Variants in ANKFN1 observed in about 807,000 individuals in gnomAD.
ANKFN1 encodes the protein ankyrin repeat and fibronectin type-III domain-containing protein 1.
ANKFN1 carries 74 observed loss-of-function variants against 108.7 expected under a neutral mutation model. That is an observed-to-expected ratio of 0.68 (90% CI 0.56 to 0.83). ANKFN1 has a LOEUF of 0.83. Among genes scored for constraint, ANKFN1 ranks in the 40% least tolerant of loss-of-function variants. ANKFN1 has a pLI of 0.00. For synonymous variants in ANKFN1, 547 were observed against 516.2 expected (o/e 1.06, Z -0.81); for missense variants, 1,505 against 1,382.3 (o/e 1.09, Z -1.41).
chr17:56,446,329 T>C (rs1317626715), intron 10 of ANKFN1, among the ~76,000 whole-genome samples: 3 of 152,154 alleles, frequency 2.0e-5, no homozygotes, highest in Non-Finnish European at 4.4e-5. Flanking sequence ...GCTTATCTTA[T>C]CATGAGCACT....
chr17:56,072,264 A>G (rs943128970), intron 4 of ANKFN1, among the ~76,000 whole-genome samples: 7 of 152,042 alleles, frequency 4.6e-5, no homozygotes, highest in Non-Finnish European at 1.0e-4. Context: ...TAGTTTACTG[A>G]TTAATTTTAC....
intron 4 of ANKFN1, among the ~76,000 whole-genome samples, chr17:56,128,528 C>T (rs1907077185): frequency 6.6e-6 from 1 of 152,128 alleles, no homozygotes; most frequent in African/African-American, 2.4e-5. Context: ...TGGTTTTTAG[C>T]CCTGCAAGGC....
intron 4 of ANKFN1, among the ~76,000 whole-genome samples, chr17:56,051,929 C>G (rs571172044): frequency 0.055 from 8,123 of 148,680 alleles, 743 homozygotes; most frequent in African/African-American, 0.19. Flanking sequence ...AGGATACAAA[C>G]AAATGGAAGA....
chr17:56,240,200 A>C (rs917162869), intron 3 of ANKFN1, among the ~76,000 whole-genome samples: 23 of 152,144 alleles, frequency 1.5e-4, no homozygotes, highest in African/African-American at 5.5e-4. Flanking sequence ...CCCACAAAAA[A>C]ATCACAATCC....
At chr17:56,109,988 C>A (rs1905867530) in intron 4 of ANKFN1, among the ~76,000 whole-genome samples, 1 of 152,206 alleles carries the variant, frequency 6.6e-6, no homozygotes, top group African/African-American at 2.4e-5. Flanking sequence ...TTGCACCTCA[C>A]TTGTCAGAGC....
chr17:56,131,080 C>T (rs1386107541), intron 4 of ANKFN1, among the ~76,000 whole-genome samples: 3 of 152,062 alleles, frequency 2.0e-5, no homozygotes, highest in Admixed American at 1.3e-4. Context: ...AAGACTAAAC[C>T]AGTATGATAC....
intron 4 of ANKFN1, among the ~76,000 whole-genome samples, chr17:56,123,684 A>C (rs935040270): frequency 2.0e-5 from 3 of 152,140 alleles, no homozygotes; most frequent in Non-Finnish European, 4.4e-5. Context: ...AGAAGTTAGG[A>C]GTAATTAGGT....
At position 56,345,603 on chromosome 17, in the gene ANKFN1, T is replaced by A. The variant is rs2046077567; in HGVS notation, c.189-5163T>A. On this transcript the variant is annotated intron_variant, in intron 4 of 20. Coordinates refer to ENST00000682825, the MANE Select transcript of ANKFN1 (RefSeq NM_001370326.1). ...TGTCATCCTAAATGGCATGAGATGG[T>A]ATGTCATTGTGGTTTTGATTTGCAT... 4.6e-5 allele frequency among the ~76,000 whole-genome samples: 7 copies of A among 152,208 alleles called. 1 individual carries two copies. Among genetic ancestry groups the A allele is most frequent in the Admixed American group, 4.6e-4 (7 of 15,266 alleles).
chr17:56,343,566 T>C (rs1459296965), intron 4 of ANKFN1, among the ~76,000 whole-genome samples: 1 of 151,922 alleles, frequency 6.6e-6, no homozygotes, highest in African/African-American at 2.4e-5. Context: ...TTGATGTATC[T>C]AGATGTGGCT....
At chr17:56,464,981 C>G (rs1177214574) in intron 14 of ANKFN1, among the ~76,000 whole-genome samples, 1 of 152,124 alleles carries the variant, frequency 6.6e-6, no homozygotes, top group Non-Finnish European at 1.5e-5. Flanking sequence ...GTTAAATATT[C>G]GGGGATTTTG....
intron 4 of ANKFN1, among the ~76,000 whole-genome samples, chr17:56,145,070 C>T (rs1023817372): frequency 3.9e-5 from 6 of 152,176 alleles, no homozygotes; most frequent in Admixed American, 2.6e-4. Context: ...GGAGCTGAAT[C>T]GTTGCCTTGG....
intron 15 of ANKFN1, among the ~76,000 whole-genome samples, chr17:56,476,563 G>T (rs1750978296): frequency 6.6e-6 from 1 of 152,128 alleles, no homozygotes; most frequent in African/African-American, 2.4e-5. Context: ...TCTTGTAAAA[G>T]ATACAGAATT....
At position 56,513,178 on chromosome 17, in the gene ANKFN1, T is replaced by C. The variant is rs1394128631; in HGVS notation, c.*1909T>C. Among the ~76,000 whole-genome samples, 1 of 152,186 alleles carries C rather than the reference T, an allele frequency of 6.6e-6. No homozygotes were observed. The highest frequency in any genetic ancestry group is 1.5e-5 in the Non-Finnish European group (1 of 68,030). On this transcript the variant is annotated 3_prime_UTR_variant, in exon 21 of 21. Transcript: ENST00000682825. ...ATTCCCTTTATAGCAGGCCGTCCCATTGGGAATTGGTCCACACCTAGTTAC... is the reference window on the plus strand; with the variant it reads ...ATTCCCTTTATAGCAGGCCGTCCCACTGGGAATTGGTCCACACCTAGTTAC...
chr17:56,103,731 G>T (rs1905691722), intron 4 of ANKFN1, among the ~76,000 whole-genome samples: 1 of 152,228 alleles, frequency 6.6e-6, no homozygotes, highest in African/African-American at 2.4e-5. Flanking sequence ...CCAGTCTGTA[G>T]GGGAAAGCAG....
chr17:56,374,248 A>G (rs1335756091), intron 7 of ANKFN1, among the ~76,000 whole-genome samples: 1 of 152,188 alleles, frequency 6.6e-6, no homozygotes, highest in African/African-American at 2.4e-5. Context: ...GAAACGATGT[A>G]CTTTATAAAA....
chr17:56,270,670 A>G (rs1233713359), intron 3 of ANKFN1, among the ~76,000 whole-genome samples: 1 of 152,160 alleles, frequency 6.6e-6, no homozygotes, highest in Non-Finnish European at 1.5e-5. Flanking sequence ...CATCATGACC[A>G]AGCCTCATTG....
chr17:56,419,687 A>G (rs1415071675), intron 8 of ANKFN1, among the ~76,000 whole-genome samples: 1 of 151,740 alleles, frequency 6.6e-6, no homozygotes, highest in Non-Finnish European at 1.5e-5. Flanking sequence ...TGTAGTATCT[A>G]CTACTACAGC....
intron 15 of ANKFN1, among the ~76,000 whole-genome samples, chr17:56,474,143 T>G (rs531549435): frequency 5.2e-4 from 79 of 152,330 alleles, no homozygotes; most frequent in African/African-American, 1.7e-3. Context: ...TCTTGATTTC[T>G]TTGTCCAGAA....
intron 3 of ANKFN1, among the ~76,000 whole-genome samples, chr17:56,266,630 T>C (rs1374918530): frequency 6.8e-6 from 1 of 147,548 alleles, no homozygotes; most frequent in East Asian, 1.9e-4. Context: ...TACAAGGAGC[T>C]ATAATTGCAT....
Sources: gnomAD v4.1 joint callset for allele counts (sites outside exome capture counted in the v4.1 genomes callset) on GRCh38, gnomAD v4.1.1 for gene constraint, MANE v1.5 for transcripts, NCBI Gene and HGNC (gene_info 2026-07-23, HGNC 2026-07-21) for gene names.